Variants in DLG2 observed in about 807,000 individuals in gnomAD.
DLG2 encodes disks large homolog 2.
A neutral mutation model predicts 132.5 loss-of-function variants in DLG2; 45 were observed. The observed-to-expected ratio is 0.34, with a 90% CI of 0.27 to 0.44. The LOEUF is 0.44. Ranked by LOEUF, DLG2 falls within the 20% of genes least tolerant of loss-of-function variation. The probability of loss-of-function intolerance (pLI) is 1.00; values close to 1 mark genes in which losing one functional copy is unlikely to be tolerated. For missense variants in DLG2, 1,045 were observed against 1,196.9 expected (o/e 0.87, Z 1.87); for synonymous variants, 424 against 419.6 (o/e 1.01, Z -0.13).
At chr11:83,897,417 T>C (rs61901782) in intron 15 of DLG2, among the ~76,000 whole-genome samples, 14,681 of 152,282 alleles carry the variant, frequency 0.096, 841 homozygotes, top group Middle Eastern at 0.2. Context: ...CTTTAACCAC[T>C]AATTTGAACC....
In DLG2 at chr11:85,350,234, C is replaced by T. The variant is rs537153838; in HGVS notation, c.41-64869G>A. Among the ~76,000 whole-genome samples the T allele has an allele frequency of 5.3e-5, 8 of 152,282 alleles. No homozygotes were observed. The East Asian group carries it at 1.3e-3, about 26-fold the overall frequency. On this transcript the variant is annotated intron_variant, in intron 3 of 27. Coordinates refer to ENST00000376104, the MANE Select transcript of DLG2 (RefSeq NM_001142699.3). ...TCTTTTGAGAAGTGTCTGTTCATATCCTTTGCCCACTTTTTGATGCAGTTG... is the reference window on the plus strand; with the variant it reads ...TCTTTTGAGAAGTGTCTGTTCATATTCTTTGCCCACTTTTTGATGCAGTTG...
At chr11:84,641,743 A>G (rs1432821758) in intron 6 of DLG2, among the ~76,000 whole-genome samples, 2 of 152,114 alleles carry the variant, frequency 1.3e-5, no homozygotes, top group Admixed American at 6.5e-5. Flanking sequence ...TAATAACAGT[A>G]CCTAACTCAT....
At chr11:84,322,845 C>G (rs976480471) in intron 7 of DLG2, among the ~76,000 whole-genome samples, 1 of 152,086 alleles carries the variant, frequency 6.6e-6, no homozygotes, top group Non-Finnish European at 1.5e-5. Context: ...CTGTCTTGGC[C>G]TCCCAAAGTG....
chr11:84,923,519 T>C, intron 6 of DLG2: 1 of 1,033,486 alleles, frequency 9.7e-7, no homozygotes, highest in Non-Finnish European at 1.2e-6. Flanking sequence ...ATGAGTTACT[T>C]ATATTTCTGG....
chr11:84,392,856 T>A (rs1419625524), intron 7 of DLG2, among the ~76,000 whole-genome samples: 2 of 152,216 alleles, frequency 1.3e-5, no homozygotes, highest in African/African-American at 4.8e-5. Context: ...TCAGGAGCCA[T>A]GTTCTTCACC....
intron 6 of DLG2, among the ~76,000 whole-genome samples, chr11:84,570,339 CT>C (rs1233375418): frequency 6.6e-6 from 1 of 152,166 alleles, no homozygotes; most frequent in African/African-American, 2.4e-5. Flanking sequence ...TCCTGTCTTC[CT>C]TTCACAGGTT....
At chr11:83,634,404 C>T (rs1483787077) in intron 18 of DLG2, among the ~76,000 whole-genome samples, 2 of 152,054 alleles carry the variant, frequency 1.3e-5, no homozygotes, top group Non-Finnish European at 2.9e-5. Flanking sequence ...TTATCACAAC[C>T]TAGAAACTTC....
chr11:84,221,336 C>T (rs143582588), intron 8 of DLG2, among the ~76,000 whole-genome samples: 2,595 of 151,876 alleles, frequency 0.017, 63 homozygotes, highest in African/African-American at 0.058. Flanking sequence ...TGGTGGCACG[C>T]GCCTGTAGTC....
chr11:84,754,294 T>C (rs955584970), intron 6 of DLG2, among the ~76,000 whole-genome samples: 3 of 152,150 alleles, frequency 2.0e-5, no homozygotes, highest in Admixed American at 6.5e-5. Context: ...TCGGTAGAGA[T>C]AGGAAATGAA....
At chr11:83,807,470 G>A (rs578023614) in intron 17 of DLG2, among the ~76,000 whole-genome samples, 11 of 152,256 alleles carry the variant, frequency 7.2e-5, no homozygotes, top group East Asian at 1.9e-4. Context: ...AGATGTGAAC[G>A]GAGCTGCAAA....
chr11:84,112,769 C>A (rs1168731773), intron 9 of DLG2, among the ~76,000 whole-genome samples: 2 of 152,132 alleles, frequency 1.3e-5, no homozygotes, highest in Non-Finnish European at 2.9e-5. Context: ...TGGGAATGGA[C>A]ACTTGCTGTC....
chr11:84,736,097 G>C (rs796925491), intron 6 of DLG2, among the ~76,000 whole-genome samples: 9 of 151,890 alleles, frequency 5.9e-5, no homozygotes, highest in African/African-American at 2.2e-4. Flanking sequence ...ATGGATCCAA[G>C]TTCATTTTTT....
intron 6 of DLG2, among the ~76,000 whole-genome samples, chr11:84,644,958 T>C (rs2099672820): frequency 6.6e-6 from 1 of 152,160 alleles, no homozygotes; most frequent in South Asian, 2.1e-4. Context: ...ATATCTCTCA[T>C]TTATAGAAAA....
intron 6 of DLG2, among the ~76,000 whole-genome samples, chr11:84,807,588 G>C (rs1053215235): frequency 6.6e-6 from 1 of 152,046 alleles, no homozygotes; most frequent in Non-Finnish European, 1.5e-5. Flanking sequence ...AAAAAAATAA[G>C]CCAACTCTAT....
chr11:84,408,706 C>G (rs907065644), intron 7 of DLG2, among the ~76,000 whole-genome samples: 9 of 152,126 alleles, frequency 5.9e-5, no homozygotes, highest in African/African-American at 2.2e-4. Context: ...CACAGGTAGC[C>G]CTGACCTAAT....
At chr11:85,485,175 G>C (rs1415560852) in intron 3 of DLG2, among the ~76,000 whole-genome samples, 1 of 151,908 alleles carries the variant, frequency 6.6e-6, no homozygotes, top group East Asian at 2.0e-4. Context: ...ACACAGGAAG[G>C]GGAATGTCAC....
intron 6 of DLG2, among the ~76,000 whole-genome samples, chr11:84,575,774 C>T (rs1189600372): frequency 6.6e-6 from 1 of 152,122 alleles, no homozygotes; most frequent in African/African-American, 2.4e-5. Context: ...ACTATATACT[C>T]ATCAGTGTTT....
At chr11:83,965,175 C>T in intron 13 of DLG2, 149 bp downstream of exon 13, 1 of 805,574 alleles carries the variant, frequency 1.2e-6, no homozygotes, top group Admixed American at 3.2e-5. Flanking sequence ...TGCAAGGCAA[C>T]ATAGGAGTGG....
chr11:85,385,507 C>A (rs1311073597), intron 3 of DLG2, among the ~76,000 whole-genome samples: 2 of 151,996 alleles, frequency 1.3e-5, no homozygotes, highest in Non-Finnish European at 2.9e-5. Flanking sequence ...GTAGAGCAAA[C>A]CTATAAGTGG....
Sources: gnomAD v4.1 joint callset for allele counts (sites outside exome capture counted in the v4.1 genomes callset) on GRCh38, gnomAD v4.1.1 for gene constraint, MANE v1.5 for transcripts, NCBI Gene and HGNC (gene_info 2026-07-23, HGNC 2026-07-21) for gene names.